ELF1: variants seen among roughly 807,000 people sequenced by gnomAD.
ELF1 encodes E74 like ETS transcription factor 1.
Under a neutral mutation model 59.9 loss-of-function variants are expected in ELF1, and 24 were observed. That is an observed-to-expected ratio of 0.40 (90% CI 0.29 to 0.56). The LOEUF is 0.56. Among genes scored for constraint, ELF1 ranks in the 20% least tolerant of loss-of-function variants. The pLI is 0.44. For synonymous variants in ELF1, 248 were observed against 266.2 expected, an observed-to-expected ratio of 0.93 and a Z score of 0.67; for missense variants, 627 against 742.2, an observed-to-expected ratio of 0.84 and a Z score of 1.80.
chr13:40,958,983 C>T lies in ELF1; in HGVS notation c.106G>A (p.Val36Met). Residue 36 changes from valine to methionine, a missense_variant, in exon 3 of 9, where the codon GTG (valine) becomes ATG (methionine). Val to Met is a conservative substitution (Grantham distance 21). Transcript: ENST00000239882. The stretch of plus-strand genomic sequence containing the variant: ...ATATCAGCACCAGGAACATGTTCCA[C>T]AATTACGGCAGGAAAAATAGCTGGA... ...GDPAIFPAVI[V>M]EHVPGADILN... is the part of the protein sequence containing the mutation. The T allele has an allele frequency of 6.2e-7, 1 of 1,611,766 alleles. No homozygotes were observed. The highest frequency in any genetic ancestry group is 8.5e-7 in the Non-Finnish European group (1 of 1,179,010).
chr13:40,989,533 A>G (rs572103860), intron 1 of ELF1, among the ~76,000 whole-genome samples: 10 of 152,338 alleles, frequency 6.6e-5, no homozygotes, highest in Middle Eastern at 3.4e-3. Context: ...CTTAAAATTA[A>G]GCATTCTTTT....
intron 1 of ELF1, among the ~76,000 whole-genome samples, chr13:41,016,482 A>G (rs1015573681): frequency 1.3e-5 from 2 of 152,186 alleles, no homozygotes; most frequent in African/African-American, 4.8e-5. Context: ...CTATCTTATA[A>G]TAAGGTCAAA....
chr13:40,980,974 C>T (rs1016795447), intron 2 of ELF1, among the ~76,000 whole-genome samples: 11 of 151,996 alleles, frequency 7.2e-5, no homozygotes, highest in African/African-American at 2.7e-4. Flanking sequence ...TATTTATAAA[C>T]TTTTTGTTCT....
At chr13:41,004,634 T>C (rs984592528) in intron 1 of ELF1, among the ~76,000 whole-genome samples, 5 of 152,104 alleles carry the variant, frequency 3.3e-5, no homozygotes, top group Non-Finnish European at 7.4e-5. Flanking sequence ...GCTTTGAAAG[T>C]TTTACAGAAT....
chr13:41,027,737 G>A (rs2138402195), intron 1 of ELF1, among the ~76,000 whole-genome samples: 1 of 152,236 alleles, frequency 6.6e-6, no homozygotes, highest in East Asian at 1.9e-4. Flanking sequence ...ACACAGCATT[G>A]CTTCTGACCA....
intron 1 of ELF1, among the ~76,000 whole-genome samples, chr13:40,989,138 C>T (rs1475259012): frequency 6.6e-6 from 1 of 152,134 alleles, no homozygotes; most frequent in African/African-American, 2.4e-5. Context: ...CTAGAATTTA[C>T]ATTAAAATAT....
intron 3 of ELF1, 86 bp downstream of exon 3, chr13:40,958,750 G>T (rs187134503): frequency 2.4e-5 from 35 of 1,456,064 alleles, no homozygotes; most frequent in Non-Finnish European, 2.9e-5. Flanking sequence ...CAAGTTAGGG[G>T]CGTTTTATGC....
At chr13:40,959,161 T>C (rs1871648258) in intron 2 of ELF1, 145 bp from the exon 3 acceptor site, 3 of 1,240,406 alleles carry the variant, frequency 2.4e-6, no homozygotes, top group Non-Finnish European at 3.2e-6. Flanking sequence ...TTCTAGGCAT[T>C]AGGTAATTTG....
At chr13:40,992,482 T>C (rs1386779396) in intron 1 of ELF1, among the ~76,000 whole-genome samples, 1 of 152,274 alleles carries the variant, frequency 6.6e-6, no homozygotes, top group Admixed American at 6.5e-5. Flanking sequence ...CAGTTAGGTA[T>C]AAGTCAACAG....
chr13:40,975,983 T>G (rs1872883092), intron 2 of ELF1, among the ~76,000 whole-genome samples: 1 of 152,192 alleles, frequency 6.6e-6, no homozygotes, highest in Non-Finnish European at 1.5e-5. Context: ...TATATGAAAA[T>G]TTAAGATGGC....
intron 1 of ELF1, among the ~76,000 whole-genome samples, chr13:41,042,209 G>C (rs55704414): frequency 0.26 from 39,833 of 151,822 alleles, 5,419 homozygotes; most frequent in South Asian, 0.4. Flanking sequence ...TTTTAGTAAA[G>C]GCAAAGTTTC....
intron 1 of ELF1, among the ~76,000 whole-genome samples, chr13:41,011,703 C>T (rs1159845678): frequency 6.6e-6 from 1 of 152,122 alleles, no homozygotes; most frequent in African/African-American, 2.4e-5. Context: ...CTTGGCCTCC[C>T]AAAGTGCTGG....
intron 1 of ELF1, among the ~76,000 whole-genome samples, chr13:41,028,279 C>T (rs935654269): frequency 3.3e-5 from 5 of 152,198 alleles, no homozygotes; most frequent in African/African-American, 7.2e-5. Context: ...GGACTACTAA[C>T]TCACAGTGCA....
At chr13:41,058,089 C>G (rs1217476656) in intron 1 of ELF1, among the ~76,000 whole-genome samples, 1 of 152,132 alleles carries the variant, frequency 6.6e-6, no homozygotes, top group Non-Finnish European at 1.5e-5. Flanking sequence ...TTGTTTGAAT[C>G]TTTTAAAACA....
At chr13:40,954,584 AT>A (rs1166481476) in intron 3 of ELF1, among the ~76,000 whole-genome samples, 11 of 151,824 alleles carry the variant, frequency 7.2e-5, no homozygotes, top group African/African-American at 2.7e-4. Flanking sequence ...AGTGCCTGCG[AT>A]TGCAGGCGCG....
At chr13:40,977,032 A>G (rs968406330) in intron 2 of ELF1, among the ~76,000 whole-genome samples, 1 of 152,090 alleles carries the variant, frequency 6.6e-6, no homozygotes, top group African/African-American at 2.4e-5. Flanking sequence ...CACAAATATG[A>G]TTTGCCAGAA....
chr13:41,033,896 C>T (rs140747179), intron 1 of ELF1, among the ~76,000 whole-genome samples: 2 of 152,196 alleles, frequency 1.3e-5, no homozygotes, highest in East Asian at 1.9e-4. Flanking sequence ...GCCAGGGATA[C>T]AGATTTTGGG....
At chr13:40,937,472 G>A (rs1213361846) in intron 8 of ELF1, among the ~76,000 whole-genome samples, 1 of 152,116 alleles carries the variant, frequency 6.6e-6, no homozygotes. Flanking sequence ...AGGCTGAAGA[G>A]CTGAAAATTT....
chr13:40,987,600 A>AAAAAAG (rs1566181502), intron 1 of ELF1, among the ~76,000 whole-genome samples: 9 of 143,646 alleles, frequency 6.3e-5, no homozygotes, highest in Non-Finnish European at 1.1e-4. Flanking sequence ...AAAAAAAAAA[A>AAAAAAG]AAAAGAAAGA....
Sources: gnomAD v4.1 joint callset for allele counts (sites outside exome capture counted in the v4.1 genomes callset) on GRCh38, gnomAD v4.1.1 for gene constraint, MANE v1.5 for transcripts, NCBI Gene and HGNC (gene_info 2026-07-23, HGNC 2026-07-21) for gene names.